The following ITGAM variants were observed in gnomAD, a reference collection of about 807,000 sequenced individuals.
ITGAM encodes integrin alpha-M.
A neutral mutation model predicts 137.5 loss-of-function variants in ITGAM; 79 were observed. The ratio of observed to expected loss-of-function variants is 0.57; its 90% confidence interval spans 0.48 to 0.69. ITGAM has a LOEUF of 0.69. ITGAM is among the 30% of genes least tolerant of loss of function. ITGAM has a pLI of 0.00. For missense variants in ITGAM, 1,343 were observed against 1,483.5 expected, an observed-to-expected ratio of 0.91 and a Z score of 1.56; for synonymous variants, 583 against 592.3, an observed-to-expected ratio of 0.98 and a Z score of 0.23.
Position 31,332,597 on chromosome 16 carries a change from G to A in ITGAM, c.*890G>A, listed in dbSNP as rs369272046. 3.9e-5 allele frequency: 6 copies of A among 152,158 alleles called. No homozygotes were observed. The highest frequency in any genetic ancestry group is 1.9e-4 in the East Asian group (1 of 5,196). The allele number at this position is 152,158 out of a possible 1,614,324, so 9.4% of individuals were successfully genotyped here. On this transcript the variant is annotated 3_prime_UTR_variant, in exon 30 of 30. Coordinates refer to ENST00000544665, the MANE Select transcript of ITGAM (RefSeq NM_000632.4). Reference sequence around the variant, plus strand: ...CCAGGCGATGTGCAAGTGTATGCACGTGTGCACACACACCACACATACACA... The same window carrying A: ...CCAGGCGATGTGCAAGTGTATGCACATGTGCACACACACCACACATACACA...
At chr16:31,316,678 A>G (rs79436903) in intron 14 of ITGAM, among the ~76,000 whole-genome samples, 1 of 152,190 alleles carries the variant, frequency 6.6e-6, no homozygotes, top group Non-Finnish European at 1.5e-5. Context: ...GGTAGGAATT[A>G]CATTGACTCT....
chr16:31,275,408 T>A (rs1373081014), intron 8 of ITGAM, 141 bp from the exon 9 acceptor site: 2 of 872,666 alleles, frequency 2.3e-6, no homozygotes, highest in East Asian at 2.6e-5. Context: ...CAACTATACC[T>A]GGCAACCCTG....
At chr16:31,272,452 TATATATATA>T in intron 7 of ITGAM, among the ~76,000 whole-genome samples, 2 of 13,292 alleles carry the variant, frequency 1.5e-4, no homozygotes, top group Non-Finnish European at 2.8e-4. Context: ...TATATATATA[TATATATATA>T]TATTTTTTTT....
In ITGAM at chr16:31,297,887, A is replaced by G; in HGVS notation, c.1640A>G (p.Asp547Gly). The G allele has an allele frequency of 6.2e-7, 1 of 1,613,928 alleles. No homozygotes were observed. The highest frequency in any genetic ancestry group is 8.5e-7 in the Non-Finnish European group (1 of 1,179,952). Residue 547 changes from aspartate to glycine, a missense_variant, in exon 14 of 30, where the codon GAC (aspartate) becomes GGC (glycine). Transcript: ENST00000544665. ...GCCATTGGGGCCCCAGGAGAGGAGGACAACCGGGGTGCTGTTTACCTGTTT... is the reference window on the plus strand; with the variant it reads ...GCCATTGGGGCCCCAGGAGAGGAGGGCAACCGGGGTGCTGTTTACCTGTTT... Reference protein sequence around the residue: ...DVAIGAPGEEDNRGAVYLFHG... With the variant: ...DVAIGAPGEEGNRGAVYLFHG...
chr16:31,321,510 A>G lies in ITGAM; in HGVS notation c.1885A>G (p.Arg629Gly), dbSNP rs2080450388. ...RVKAIMEFNP[R>G]EVARNVFECN... The stretch of plus-strand genomic sequence containing the variant: ...CAAGGCAATCATGGAGTTCAATCCC[A>G]GGGAAGTGGCAAGGAATGTATTTGA... Residue 629 changes from arginine to glycine, a missense_variant, in exon 16 of 30, where the codon AGG becomes GGG. By Grantham distance (125) the Arg-to-Gly change is moderately radical (BLOSUM62 -2). Coordinates refer to ENST00000544665, the MANE Select transcript of ITGAM (RefSeq NM_000632.4). 1.2e-6 allele frequency: 2 copies of G among 1,613,928 alleles called. No homozygotes were observed. Among genetic ancestry groups the G allele is most frequent in the Non-Finnish European group, 1.7e-6 (2 of 1,179,904 alleles).
chr16:31,297,169 A>AT (rs2080142800), intron 12 of ITGAM, among the ~76,000 whole-genome samples: 2 of 151,950 alleles, frequency 1.3e-5, no homozygotes, highest in African/African-American at 2.4e-5. Flanking sequence ...ATTATTAAAA[A>AT]ATATATATAT....
chr16:31,263,608 T>A (rs11866523), intron 2 of ITGAM, among the ~76,000 whole-genome samples: 5,091 of 151,750 alleles, frequency 0.034, 262 homozygotes, highest in African/African-American at 0.11. Context: ...CTTTTTTTTT[T>A]ATGAGAGAGG....
At chr16:31,328,621 C>T (rs909291733) in intron 23 of ITGAM, among the ~76,000 whole-genome samples, 2 of 99,770 alleles carry the variant, frequency 2.0e-5, no homozygotes, top group African/African-American at 8.2e-5. Context: ...GCATGTGTGT[C>T]TGGGCATGGG....
chr16:31,278,312 G>A (rs981110760), intron 12 of ITGAM, among the ~76,000 whole-genome samples: 1 of 152,140 alleles, frequency 6.6e-6, no homozygotes, highest in Admixed American at 6.5e-5. Context: ...AACAATGCTT[G>A]CCTGTACAGA....
At chr16:31,275,335 C>T (rs1403525744) in intron 8 of ITGAM, among the ~76,000 whole-genome samples, 1 of 152,214 alleles carries the variant, frequency 6.6e-6, no homozygotes, top group African/African-American at 2.4e-5. Flanking sequence ...GATGGATCAG[C>T]AGCCGGGTTT....
rs200876136 is a variant in ITGAM, at chr16:31,330,613, T to C, written c.3276+8T>C. 62 of 1,587,820 alleles carry C rather than the reference T, an allele frequency of 3.9e-5. No individual in the cohort carries two copies. The East Asian group carries it at 1.4e-3, about 35-fold the overall frequency. ...GCGTTTGTGAGGTCCCAGGTACCTG[T>C]CTTGGGCGCTGAGGAACTATTGGAG... On this transcript the variant is annotated splice_region_variant and intron_variant, in intron 28 of 29. Transcript: ENST00000544665.
At chr16:31,262,370 TC>T (rs2079713649) in intron 2 of ITGAM, among the ~76,000 whole-genome samples, 1 of 141,920 alleles carries the variant, frequency 7.0e-6, no homozygotes, top group African/African-American at 2.6e-5. Context: ...CTTCCTTCCT[TC>T]CTTCCTTCCT....
At chr16:31,310,981 A>G (rs576962192) in intron 14 of ITGAM, among the ~76,000 whole-genome samples, 311 of 152,302 alleles carry the variant, frequency 2.0e-3, no homozygotes, top group African/African-American at 6.8e-3. Flanking sequence ...ATAGTGCCGC[A>G]TATCTACAAC....
chr16:31,287,868 T>C (rs777385304), intron 12 of ITGAM, among the ~76,000 whole-genome samples: 6 of 152,050 alleles, frequency 3.9e-5, no homozygotes, highest in Admixed American at 6.6e-5. Flanking sequence ...AAGTCAAGTG[T>C]GGATTGGATG....
At chr16:31,265,951 G>C in intron 4 of ITGAM, 70 bp downstream of exon 4, 1 of 1,594,954 alleles carries the variant, frequency 6.3e-7, no homozygotes, top group South Asian at 1.1e-5. Context: ...TGGGGCTGGG[G>C]GTCTTGTGGA....
At chr16:31,311,210 G>A (rs1326485338) in intron 14 of ITGAM, among the ~76,000 whole-genome samples, 1 of 152,178 alleles carries the variant, frequency 6.6e-6, no homozygotes, top group Non-Finnish European at 1.5e-5. Context: ...ATACCATTGA[G>A]GACATAGGCA....
chr16:31,300,427 G>A (rs1217949227), intron 14 of ITGAM, among the ~76,000 whole-genome samples: 1 of 152,190 alleles, frequency 6.6e-6, no homozygotes, highest in Non-Finnish European at 1.5e-5. Flanking sequence ...ATTTTTCCAT[G>A]TGTTTACCAA....
intron 16 of ITGAM, among the ~76,000 whole-genome samples, chr16:31,323,611 A>G (rs2080473231): frequency 6.6e-6 from 1 of 152,236 alleles, no homozygotes; most frequent in South Asian, 2.1e-4. Flanking sequence ...AGTGAGTGAC[A>G]GAATAGCTAC....
At position 31,330,383 on chromosome 16, in the gene ITGAM, A is replaced by G. The variant is rs1318133220; in HGVS notation, c.3136A>G (p.Thr1046Ala). 1 of 1,613,882 alleles carries G rather than the reference A, an allele frequency of 6.2e-7. No homozygotes were observed. The highest frequency in any genetic ancestry group is 1.3e-5 in the African/African-American group (1 of 75,034). ...FFGIQEEFNA[T>A]LKGNLSFDWY... ...TGGCATCCAGGAAGAATTCAATGCT[A>G]CCCTCAAAGGCAACCTCTCGTTTGA... The change falls in exon 27 of 30, where the codon ACC becomes GCC. Residue 1046 changes from threonine to alanine, a missense_variant. By Grantham distance (58) the Thr-to-Ala change is moderately conservative (BLOSUM62 0). Transcript: ENST00000544665.
Sources: gnomAD v4.1 joint callset for allele counts (sites outside exome capture counted in the v4.1 genomes callset) on GRCh38, gnomAD v4.1.1 for gene constraint, MANE v1.5 for transcripts, NCBI Gene and HGNC (gene_info 2026-07-23, HGNC 2026-07-21) for gene names.